DLG2: variants seen among roughly 807,000 people sequenced by gnomAD.
DLG2 encodes discs large MAGUK scaffold protein 2.
A neutral mutation model predicts 132.5 loss-of-function variants in DLG2; 45 were observed. The ratio of observed to expected loss-of-function variants is 0.34; its 90% confidence interval spans 0.27 to 0.44. The LOEUF (loss-of-function observed/expected upper bound fraction) is 0.44. Among genes scored for constraint, DLG2 ranks in the 20% least tolerant of loss-of-function variants. The probability of loss-of-function intolerance (pLI) is 1.00; values close to 1 mark genes in which losing one functional copy is unlikely to be tolerated. For missense variants in DLG2, 1,045 were observed against 1,196.9 expected (o/e 0.87, Z 1.87); for synonymous variants, 424 against 419.6 (o/e 1.01, Z -0.13).
intron 6 of DLG2, among the ~76,000 whole-genome samples, chr11:84,745,929 C>G (rs989392676): frequency 6.6e-6 from 1 of 152,190 alleles, no homozygotes; most frequent in Admixed American, 6.5e-5. Context: ...CCTTAGCTAT[C>G]TGCAAACCTT....
intron 6 of DLG2, among the ~76,000 whole-genome samples, chr11:84,838,827 T>C (rs1431721912): frequency 6.6e-6 from 1 of 152,034 alleles, no homozygotes; most frequent in Non-Finnish European, 1.5e-5. Flanking sequence ...AAATTAGGTA[T>C]TGATGGGACA....
intron 6 of DLG2, among the ~76,000 whole-genome samples, chr11:84,658,506 C>T (rs1171357514): frequency 1.3e-5 from 2 of 152,144 alleles, no homozygotes; most frequent in East Asian, 3.9e-4. Flanking sequence ...CTTGTCCCCT[C>T]TAAATCTCAT....
At chr11:84,844,131 GTGTGTATATATATATA>G (rs1396602256) in intron 6 of DLG2, among the ~76,000 whole-genome samples, 5 of 26,364 alleles carry the variant, frequency 1.9e-4, no homozygotes, top group African/African-American at 6.0e-4. Flanking sequence ...GTGTGTGTGT[GTGTGTATATATATATA>G]TATATATATA....
At chr11:84,462,038 T>C (rs1160184812) in intron 7 of DLG2, among the ~76,000 whole-genome samples, 1 of 151,000 alleles carries the variant, frequency 6.6e-6, no homozygotes, top group Non-Finnish European at 1.5e-5. Context: ...GTTAAGTAGA[T>C]TCTTGACTTC....
chr11:83,729,293 A>G (rs2090566675), intron 18 of DLG2, among the ~76,000 whole-genome samples: 2 of 152,188 alleles, frequency 1.3e-5, no homozygotes, highest in African/African-American at 4.8e-5. Context: ...ATCTAAAGCT[A>G]AGGAAGGGAA....
intron 8 of DLG2, among the ~76,000 whole-genome samples, chr11:84,226,045 A>G (rs1597860374): frequency 6.6e-6 from 1 of 152,302 alleles, no homozygotes; most frequent in Non-Finnish European, 1.5e-5. Context: ...TCCTGACCTC[A>G]AGTGATCCGC....
chr11:85,299,752 TAG>T (rs1393771638), intron 3 of DLG2, among the ~76,000 whole-genome samples: 1 of 152,194 alleles, frequency 6.6e-6, no homozygotes, highest in Non-Finnish European at 1.5e-5. Context: ...TTCAGTAGTC[TAG>T]GGTAGGGCCT....
intron 19 of DLG2, among the ~76,000 whole-genome samples, chr11:83,556,877 A>ATCTTCC (rs1458313417): frequency 6.6e-6 from 1 of 152,180 alleles, no homozygotes; most frequent in Non-Finnish European, 1.5e-5. Flanking sequence ...TAGACAAGGA[A>ATCTTCC]CCAGAGGTAA....
intron 7 of DLG2, among the ~76,000 whole-genome samples, chr11:84,405,599 T>G (rs1383425869): frequency 1.3e-5 from 2 of 152,084 alleles, no homozygotes; most frequent in Admixed American, 1.3e-4. Flanking sequence ...CATTAAAGGA[T>G]AAAACAATGA....
intron 19 of DLG2, among the ~76,000 whole-genome samples, chr11:83,555,319 T>C (rs2096492484): frequency 6.6e-6 from 1 of 152,206 alleles, no homozygotes; most frequent in Non-Finnish European, 1.5e-5. Context: ...TGGGAAGCCT[T>C]TGGGGATTTT....
At chr11:83,548,166 G>C (rs2096286006) in intron 19 of DLG2, among the ~76,000 whole-genome samples, 1 of 152,088 alleles carries the variant, frequency 6.6e-6, no homozygotes. Flanking sequence ...GAATCTTTGG[G>C]GGCCAGAGGG....
At chr11:83,997,920 T>G (rs1372962331) in intron 11 of DLG2, among the ~76,000 whole-genome samples, 1 of 151,150 alleles carries the variant, frequency 6.6e-6, no homozygotes, top group Non-Finnish European at 1.5e-5. Context: ...TCACTTGAGG[T>G]CAGGAGTTCG....
chr11:85,436,240 A>G (rs1270605138), intron 3 of DLG2, among the ~76,000 whole-genome samples: 1 of 152,218 alleles, frequency 6.6e-6, no homozygotes, highest in Admixed American at 6.5e-5. Flanking sequence ...CATTCAGGAC[A>G]TAGGCATGGG....
intron 6 of DLG2, among the ~76,000 whole-genome samples, chr11:84,766,613 T>G (rs1224001202): frequency 2.6e-5 from 4 of 152,072 alleles, no homozygotes; most frequent in African/African-American, 9.6e-5. Flanking sequence ...ACCGACTTAC[T>G]GGATCAGACC....
At position 85,102,239 on chromosome 11, in the gene DLG2, C is replaced by A. The variant is rs60375631; in HGVS notation, c.357+9422G>T. 1.9e-3 allele frequency among the ~76,000 whole-genome samples: 286 copies of A among 152,126 alleles called. 1 individual carries two copies. Among genetic ancestry groups the A allele is most frequent in the African/African-American group, 6.6e-3 (274 of 41,544 alleles). ...GGAGTCATTCTGGCTCCCCTACGTG[C>A]TGATGATATGTTGCCAAAATAAGTT... On this transcript the variant is annotated intron_variant, in intron 6 of 27. Coordinates refer to ENST00000376104, the MANE Select transcript of DLG2 (RefSeq NM_001142699.3).
chr11:83,700,233 A>C (rs912689727), intron 18 of DLG2, among the ~76,000 whole-genome samples: 24 of 152,180 alleles, frequency 1.6e-4, no homozygotes, highest in Admixed American at 9.8e-4. Flanking sequence ...GCATTGACAC[A>C]CATCAGTGAA....
intron 15 of DLG2, among the ~76,000 whole-genome samples, chr11:83,922,257 A>G (rs1213507474): frequency 6.6e-6 from 1 of 152,100 alleles, no homozygotes; most frequent in Non-Finnish European, 1.5e-5. Context: ...TTCCATGTAA[A>G]CCCTTTCACA....
At chr11:85,424,065 G>A (rs942608087) in intron 3 of DLG2, among the ~76,000 whole-genome samples, 2 of 152,262 alleles carry the variant, frequency 1.3e-5, no homozygotes, top group African/African-American at 4.8e-5. Flanking sequence ...ATGAGGCCAG[G>A]CAAAAATGGC....
chr11:84,646,746 T>C (rs191813710), intron 6 of DLG2, among the ~76,000 whole-genome samples: 9 of 152,154 alleles, frequency 5.9e-5, no homozygotes, highest in African/African-American at 1.9e-4. Flanking sequence ...ATAAAGGTTA[T>C]AGTCAGTTCC....
Sources: gnomAD v4.1 joint callset for allele counts (sites outside exome capture counted in the v4.1 genomes callset) on GRCh38, gnomAD v4.1.1 for gene constraint, MANE v1.5 for transcripts, NCBI Gene and HGNC (gene_info 2026-07-23, HGNC 2026-07-21) for gene names.